The following AAK1 variants were observed in gnomAD, a reference collection of about 807,000 sequenced individuals.
AAK1 encodes AP2 associated kinase 1.
Under a neutral mutation model 116.0 loss-of-function variants are expected in AAK1, and 37 were observed. That is an observed-to-expected ratio of 0.32 (90% confidence interval 0.25 to 0.42). The LOEUF is 0.42. AAK1 is among the 10% of genes least tolerant of loss of function. The pLI, the probability that AAK1 is intolerant of heterozygous loss-of-function variation, is 1.00. For synonymous variants in AAK1, 458 were observed against 439.9 expected, an observed-to-expected ratio of 1.04 and a Z score of -0.51; for missense variants, 919 against 1,170.6, an observed-to-expected ratio of 0.79 and a Z score of 3.14.
In AAK1 at chr2:69,475,270, G is replaced by T. The variant is rs1272127661; in HGVS notation, c.*599C>A. The T allele has an allele frequency of 1.0e-6, 1 of 985,792 alleles. No homozygotes were observed. Among genetic ancestry groups the T allele is most frequent in the African/African-American group, 1.7e-5 (1 of 57,230 alleles). The allele number at this position is 985,792 out of a possible 1,614,324, so 61.1% of individuals were successfully genotyped here. A position where few individuals can be genotyped will look rare whatever the true frequency, so the allele number is the denominator to read the frequency against. Reference sequence around the variant, plus strand: ...TGATCAAACAAGGTCAAAGTTGGTTGGCTAGAGCTGGGCTCAATTTCTCTT... The same window carrying T: ...TGATCAAACAAGGTCAAAGTTGGTTTGCTAGAGCTGGGCTCAATTTCTCTT... On this transcript the variant is annotated 3_prime_UTR_variant, in exon 22 of 22. Transcript: ENST00000409085.
intron 2 of AAK1, among the ~76,000 whole-genome samples, chr2:69,585,965 C>T (rs1672746362): frequency 6.6e-6 from 1 of 152,162 alleles, no homozygotes; most frequent in Admixed American, 6.5e-5. Flanking sequence ...AACAACTCTT[C>T]CCTCCACCTT....
chr2:69,548,417 CTTTT>C (rs1671016444), intron 3 of AAK1, among the ~76,000 whole-genome samples: 1 of 152,092 alleles, frequency 6.6e-6, no homozygotes, highest in Non-Finnish European at 1.5e-5. Context: ...AGCTTTCCTT[CTTTT>C]CTTTTCTTTC....
At chr2:69,587,461 G>A (rs28490114) in intron 2 of AAK1, among the ~76,000 whole-genome samples, 8 of 137,736 alleles carry the variant, frequency 5.8e-5, no homozygotes, top group South Asian at 2.3e-4. Context: ...ATATGTGTGT[G>A]TATATATATA....
At chr2:69,493,538 A>C (rs1357264593) in intron 17 of AAK1, among the ~76,000 whole-genome samples, 1 of 152,152 alleles carries the variant, frequency 6.6e-6, no homozygotes, top group Non-Finnish European at 1.5e-5. Context: ...AAAGGCTTCC[A>C]GCTTCTGGTT....
intron 2 of AAK1, among the ~76,000 whole-genome samples, chr2:69,562,205 G>GA (rs1671671283): frequency 6.6e-6 from 1 of 152,210 alleles, no homozygotes; most frequent in African/African-American, 2.4e-5. Context: ...AGCCACATAC[G>GA]AGAGTTCTGT....
rs1203881016 is a variant in AAK1 at position 69,468,519 on chromosome 2, T to TA, written c.*7349_*7350insT. On this transcript the variant is annotated 3_prime_UTR_variant, in exon 22 of 22. Coordinates refer to ENST00000409085, the MANE Select transcript of AAK1 (RefSeq NM_014911.5). ...AAAGTTGATGTTATTAAGCTTGTTC[T>TA]GCAGGAGAGCAAAATATCTCTTAGG... 1 of 985,294 alleles carries TA rather than the reference T, an allele frequency of 1.0e-6. No homozygotes were observed. Among genetic ancestry groups the TA allele is most frequent in the Non-Finnish European group, 1.2e-6 (1 of 829,932 alleles). The allele number at this position is 985,294 out of a possible 1,614,324, so 61.0% of individuals were successfully genotyped here.
At position 69,509,298 on chromosome 2, in the gene AAK1, C is replaced by A. The variant is rs1164316383; in HGVS notation, c.1939G>T (p.Val647Phe). Residue 647 changes from valine (V) to phenylalanine (F), a missense_variant, in exon 14 of 22, where the codon GTC becomes TTC. By Grantham distance (50) the Val-to-Phe change is conservative. Around this residue, in one of 4 missense-constraint regions of AAK1, gnomAD observed 125 missense variants for 184.1 expected, o/e 0.68. Coordinates refer to ENST00000409085, the MANE Select transcript of AAK1 (RefSeq NM_014911.5). ...AGCTGGGTTGATTTGCTGGCAGGGACCCCAAAGACTGCACTGTGGGTTACG... is the reference window on the plus strand; with the variant it reads ...AGCTGGGTTGATTTGCTGGCAGGGAACCCAAAGACTGCACTGTGGGTTACG... Reference protein sequence around the residue: ...SDVTHSAVFGVPASKSTQLLQ... With the variant: ...SDVTHSAVFGFPASKSTQLLQ... The A allele has an allele frequency of 1.2e-6, 2 of 1,613,906 alleles. No homozygotes were observed. Among genetic ancestry groups the A allele is most frequent in the Admixed American group, 3.3e-5 (2 of 60,026 alleles).
At chr2:69,597,153 T>C (rs1280104752) in intron 2 of AAK1, among the ~76,000 whole-genome samples, 1 of 152,180 alleles carries the variant, frequency 6.6e-6, no homozygotes, top group African/African-American at 2.4e-5. Flanking sequence ...GTGTGTGTTT[T>C]ATAAGGCATT....
intron 2 of AAK1, among the ~76,000 whole-genome samples, chr2:69,625,855 C>T (rs926333862): frequency 6.6e-6 from 1 of 152,112 alleles, no homozygotes; most frequent in Admixed American, 6.5e-5. Context: ...TTCTACCTAT[C>T]CTTTGTCATT....
intron 18 of AAK1, 72 bp downstream of exon 18, chr2:69,482,639 C>G (rs1427861641): frequency 2.4e-6 from 3 of 1,268,276 alleles, no homozygotes; most frequent in African/African-American, 1.5e-5. Flanking sequence ...GATTGGTTAA[C>G]TAGGTACTTG....
At chr2:69,535,013 G>T (rs946427783) in intron 5 of AAK1, among the ~76,000 whole-genome samples, 1 of 152,180 alleles carries the variant, frequency 6.6e-6, no homozygotes, top group East Asian at 1.9e-4. Flanking sequence ...CTGTACACAC[G>T]CCAGGGACCC....
At chr2:69,562,660 G>C (rs1671691807) in intron 2 of AAK1, among the ~76,000 whole-genome samples, 1 of 152,156 alleles carries the variant, frequency 6.6e-6, no homozygotes, top group Non-Finnish European at 1.5e-5. Flanking sequence ...GGGAGGTCGA[G>C]GCGGGCAGAT....
At chr2:69,484,909 A>C (rs2104903629) in intron 17 of AAK1, among the ~76,000 whole-genome samples, 1 of 151,952 alleles carries the variant, frequency 6.6e-6, no homozygotes, top group East Asian at 1.9e-4. Flanking sequence ...CATAAAAAAA[A>C]GGAAGGAAAA....
chr2:69,568,345 A>C (rs1042194331), intron 2 of AAK1, among the ~76,000 whole-genome samples: 3 of 152,068 alleles, frequency 2.0e-5, no homozygotes, highest in Non-Finnish European at 4.4e-5. Flanking sequence ...AATCCTGAGC[A>C]CTTTCTAGTG....
chr2:69,587,348 CAT>C (rs762653351), intron 2 of AAK1, among the ~76,000 whole-genome samples: 266 of 144,860 alleles, frequency 1.8e-3, no homozygotes, highest in African/African-American at 6.4e-3. Flanking sequence ...TGCACACACA[CAT>C]ATATACACAT....
intron 2 of AAK1, among the ~76,000 whole-genome samples, chr2:69,579,221 G>T (rs965186654): frequency 6.6e-6 from 1 of 152,108 alleles, no homozygotes; most frequent in South Asian, 2.1e-4. Flanking sequence ...TCAATCAAGC[G>T]GATGGTTTTC....
chr2:69,541,227 C>CTTTT (rs545915571), intron 5 of AAK1, among the ~76,000 whole-genome samples: 40 of 125,256 alleles, frequency 3.2e-4, no homozygotes, highest in Non-Finnish European at 5.1e-4. Flanking sequence ...TTTTATACTT[C>CTTTT]TTTTTTTTTT....
At chr2:69,596,370 T>C (rs1444915898) in intron 2 of AAK1, among the ~76,000 whole-genome samples, 1 of 151,974 alleles carries the variant, frequency 6.6e-6, no homozygotes, top group African/African-American at 2.4e-5. Context: ...TACAGGCACC[T>C]GCCACCACGC....
chr2:69,597,990 T>C, intron 2 of AAK1: 1 of 332,784 alleles, frequency 3.0e-6, no homozygotes, highest in Middle Eastern at 8.2e-4. Flanking sequence ...TTGGTGGAGA[T>C]AAGAGATTCT....
Sources: gnomAD v4.1 joint callset for allele counts (sites outside exome capture counted in the v4.1 genomes callset) on GRCh38, gnomAD v4.1.1 for gene constraint, gnomAD v4.1.1 regional missense constraint, MANE v1.5 for transcripts, NCBI Gene and HGNC (gene_info 2026-07-23, HGNC 2026-07-21) for gene names.